CNTN4: variants seen among roughly 807,000 people sequenced by gnomAD.
The protein encoded by CNTN4 is contactin-4.
A neutral mutation model predicts 122.5 loss-of-function variants in CNTN4; 77 were observed. The ratio of observed to expected loss-of-function variants is 0.63; its 90% CI spans 0.52 to 0.76. The LOEUF is 0.76. CNTN4 is among the 30% of genes least tolerant of loss of function. The probability of loss-of-function intolerance (pLI) is 0.00; values close to 1 mark genes in which losing one functional copy is unlikely to be tolerated. For synonymous variants in CNTN4, 512 were observed against 447.0 expected (o/e 1.15, Z -1.83); for missense variants, 1,256 against 1,259.1 (o/e 1.00, Z 0.04).
chr3:2,802,952 A>G (rs544023496), intron 6 of CNTN4, among the ~76,000 whole-genome samples: 1 of 152,346 alleles, frequency 6.6e-6, no homozygotes, highest in African/African-American at 2.4e-5. Flanking sequence ...AGCCTTAAAG[A>G]AAAGACTGAT....
chr3:2,181,315 A>G (rs966967802), intron 2 of CNTN4, among the ~76,000 whole-genome samples: 1 of 152,108 alleles, frequency 6.6e-6, no homozygotes, highest in East Asian at 1.9e-4. Flanking sequence ...CAAACTGGGT[A>G]CCAGATATGT....
At chr3:2,830,683 A>G (rs2093085258) in intron 7 of CNTN4, among the ~76,000 whole-genome samples, 1 of 152,204 alleles carries the variant, frequency 6.6e-6, no homozygotes, top group South Asian at 2.1e-4. Flanking sequence ...TTTCATAAAT[A>G]ATCCAGTGGA....
chr3:2,899,765 TTTC>T (rs1176142440), intron 10 of CNTN4, among the ~76,000 whole-genome samples: 3 of 152,170 alleles, frequency 2.0e-5, no homozygotes, highest in Admixed American at 6.5e-5. Context: ...CAGGACTTGA[TTTC>T]CTGAGGAGGT....
chr3:2,850,908 T>A (rs2093539268), intron 7 of CNTN4, among the ~76,000 whole-genome samples: 1 of 152,168 alleles, frequency 6.6e-6, no homozygotes, highest in Admixed American at 6.5e-5. Context: ...GAATAATCAT[T>A]AATGTTTACA....
intron 3 of CNTN4, among the ~76,000 whole-genome samples, chr3:2,521,850 C>A (rs2149155410): frequency 6.6e-6 from 1 of 152,098 alleles, no homozygotes; most frequent in African/African-American, 2.4e-5. Flanking sequence ...TATCAGAGGG[C>A]TCAACACTGT....
chr3:2,903,081 T>C (rs1223339110), intron 12 of CNTN4, 76 bp downstream of exon 12: 6 of 1,459,962 alleles, frequency 4.1e-6, no homozygotes, highest in South Asian at 1.2e-5. Flanking sequence ...TTGCCAAGCA[T>C]AAATGTTCAA....
intron 2 of CNTN4, among the ~76,000 whole-genome samples, chr3:2,265,792 T>G (rs1260843465): frequency 6.6e-6 from 1 of 151,618 alleles, no homozygotes; most frequent in Non-Finnish European, 1.5e-5. Flanking sequence ...CTTCCATGTC[T>G]TTGGTTAAAT....
At chr3:2,260,728 A>ATT (rs200213068) in intron 2 of CNTN4, among the ~76,000 whole-genome samples, 13 of 92,832 alleles carry the variant, frequency 1.4e-4, no homozygotes, top group East Asian at 8.1e-4. Flanking sequence ...TATTTTATTT[A>ATT]TTTATTTTTT....
chr3:2,393,864 AC>A (rs1458815904), intron 3 of CNTN4, among the ~76,000 whole-genome samples: 5 of 145,542 alleles, frequency 3.4e-5, no homozygotes, highest in Non-Finnish European at 7.6e-5. Context: ...TATTGCTACT[AC>A]CCCCATCATT....
At chr3:2,824,501 G>T (rs576054880) in intron 7 of CNTN4, among the ~76,000 whole-genome samples, 70 of 152,040 alleles carry the variant, frequency 4.6e-4, no homozygotes, top group Non-Finnish European at 4.0e-4. Context: ...TAGCTGACTC[G>T]CTCACTCTGA....
chr3:2,623,079 T>A (rs549356041), intron 4 of CNTN4, among the ~76,000 whole-genome samples: 3 of 152,230 alleles, frequency 2.0e-5, no homozygotes, highest in African/African-American at 7.2e-5. Flanking sequence ...TACTCTCACC[T>A]TAATAAATGC....
intron 6 of CNTN4, among the ~76,000 whole-genome samples, chr3:2,784,397 G>A (rs532153249): frequency 3.3e-5 from 5 of 152,210 alleles, no homozygotes; most frequent in East Asian, 1.9e-4. Flanking sequence ...TTTGATCTTC[G>A]AAACACAATA....
chr3:2,908,618 T>C (rs1024653313), intron 12 of CNTN4, among the ~76,000 whole-genome samples: 3 of 152,190 alleles, frequency 2.0e-5, no homozygotes, highest in Non-Finnish European at 4.4e-5. Flanking sequence ...GGCTAGCTTT[T>C]TAAAAAATCT....
chr3:2,605,870 C>T (rs568238846), intron 4 of CNTN4, among the ~76,000 whole-genome samples: 23 of 152,074 alleles, frequency 1.5e-4, no homozygotes, highest in Middle Eastern at 3.4e-3. Flanking sequence ...ATAAATAATT[C>T]GAATAATAAT....
At chr3:2,479,398 A>T (rs2075921860) in intron 3 of CNTN4, among the ~76,000 whole-genome samples, 2 of 152,228 alleles carry the variant, frequency 1.3e-5, no homozygotes, top group Admixed American at 6.5e-5. Flanking sequence ...CAGCCTGCGA[A>T]TGTAACAAAC....
chr3:2,160,846 T>C lies in CNTN4; in HGVS notation c.-145+60207T>C, dbSNP rs116530432. ...ATTTGGTCCATAAATTCAATCAATA[T>C]GTATTGAACACCTTCCTTCTGTACA... On this transcript the variant is annotated intron_variant, in intron 2 of 24. Transcript: ENST00000418658. Among the ~76,000 whole-genome samples the C allele has an allele frequency of 7.4e-3, 1,127 of 152,282 alleles. 16 individuals are homozygous for C. Among genetic ancestry groups the C allele is most frequent in the African/African-American group, 0.025 (1,055 of 41,546 alleles).
intron 4 of CNTN4, among the ~76,000 whole-genome samples, chr3:2,705,904 TTATA>T (rs72180524): frequency 8.7e-6 from 1 of 114,682 alleles, no homozygotes; most frequent in Admixed American, 1.2e-4. Flanking sequence ...AAAATATATA[TTATA>T]TATAAAATAT....
chr3:2,568,339 AAC>A (rs1382448350), intron 3 of CNTN4, among the ~76,000 whole-genome samples: 7 of 150,426 alleles, frequency 4.7e-5, no homozygotes, highest in Non-Finnish European at 8.9e-5. Context: ...AAAAAAAAAA[AAC>A]CACCCTGTAC....
At chr3:2,860,117 G>A (rs1259946405) in intron 7 of CNTN4, among the ~76,000 whole-genome samples, 1 of 152,162 alleles carries the variant, frequency 6.6e-6, no homozygotes, top group African/African-American at 2.4e-5. Flanking sequence ...GAAATACCTG[G>A]CACAAGGTTG....
Sources: gnomAD v4.1 joint callset for allele counts (sites outside exome capture counted in the v4.1 genomes callset) on GRCh38, gnomAD v4.1.1 for gene constraint, MANE v1.5 for transcripts, NCBI Gene and HGNC (gene_info 2026-07-23, HGNC 2026-07-21) for gene names.